Variants in VWC2 observed in about 807,000 individuals in gnomAD.
The protein encoded by VWC2 is brorin.
VWC2 carries 14 observed loss-of-function variants against 29.8 expected under a neutral mutation model. The observed-to-expected ratio is 0.47, with a 90% CI of 0.31 to 0.74. The LOEUF (loss-of-function observed/expected upper bound fraction) is 0.74. VWC2 is among the 30% of genes least tolerant of loss of function. VWC2 has a pLI of 0.05. For missense variants in VWC2, 457 were observed against 459.8 expected, an observed-to-expected ratio of 0.99 and a Z score of 0.05; for synonymous variants, 213 against 199.0, an observed-to-expected ratio of 1.07 and a Z score of -0.59.
At chr7:49,882,472 G>C (rs1239769680) in intron 3 of VWC2, among the ~76,000 whole-genome samples, 1 of 152,118 alleles carries the variant, frequency 6.6e-6, no homozygotes, top group Non-Finnish European at 1.5e-5. Flanking sequence ...AAGAGAAAGA[G>C]AGGAAGGAAG....
chr7:49,817,206 G>A (rs1789167341), intron 3 of VWC2, among the ~76,000 whole-genome samples: 1 of 152,156 alleles, frequency 6.6e-6, no homozygotes, highest in Non-Finnish European at 1.5e-5. Context: ...TTATTCATCT[G>A]TTAAAAGCTG....
chr7:49,862,319 T>A (rs80326219), intron 3 of VWC2, among the ~76,000 whole-genome samples: 4,181 of 152,288 alleles, frequency 0.027, 158 homozygotes, highest in South Asian at 0.12. Context: ...TGTGTCAATC[T>A]TGTAACCAGC....
Position 49,775,568 on chromosome 7 carries a change from C to G in VWC2, c.133C>G (p.Gln45Glu). ...KLAQAPEQPGQEKREHASRDG... is the reference protein window; with the variant it reads ...KLAQAPEQPGEEKREHASRDG... ...GGCCCAGGCACCAGAGCAGCCGGGCCAGGAGAAGCGTGAGCACGCCTCTCG... is the reference window on the plus strand; with the variant it reads ...GGCCCAGGCACCAGAGCAGCCGGGCGAGGAGAAGCGTGAGCACGCCTCTCG... Residue 45 changes from glutamine (Q) to glutamate (E), a missense_variant, in exon 2 of 4, where the codon CAG becomes GAG. Transcript: ENST00000340652. 1 of 1,544,562 alleles carries G rather than the reference C, an allele frequency of 6.5e-7. No homozygotes were observed. The highest frequency in any genetic ancestry group is 8.7e-7 in the Non-Finnish European group (1 of 1,147,724).
intron 2 of VWC2, among the ~76,000 whole-genome samples, chr7:49,778,692 C>T (rs1042987089): frequency 2.0e-5 from 3 of 152,190 alleles, no homozygotes; most frequent in African/African-American, 7.2e-5. Flanking sequence ...TGTGAGTCCA[C>T]GGGCTTTGTG....
At chr7:49,823,169 C>T (rs772899900) in intron 3 of VWC2, among the ~76,000 whole-genome samples, 1 of 152,086 alleles carries the variant, frequency 6.6e-6, no homozygotes, top group Non-Finnish European at 1.5e-5. Context: ...ATAATAGTTA[C>T]GAGTATGGGT....
chr7:49,823,558 T>A (rs1789315979), intron 3 of VWC2, among the ~76,000 whole-genome samples: 1 of 152,146 alleles, frequency 6.6e-6, no homozygotes, highest in Non-Finnish European at 1.5e-5. Context: ...AATAAGAAGG[T>A]CCATTCCTGG....
At chr7:49,823,483 G>A (rs13238989) in intron 3 of VWC2, among the ~76,000 whole-genome samples, 52,565 of 152,068 alleles carry the variant, frequency 0.35, 9,525 homozygotes, top group Non-Finnish European at 0.4. Context: ...TATGGCAAGC[G>A]GGGTGGGGTG....
At chr7:49,837,892 C>T (rs536168536) in intron 3 of VWC2, among the ~76,000 whole-genome samples, 11 of 152,074 alleles carry the variant, frequency 7.2e-5, no homozygotes, top group African/African-American at 2.4e-4. Context: ...TCCCATTAGT[C>T]CTTATGATAT....
intron 3 of VWC2, among the ~76,000 whole-genome samples, chr7:49,821,333 G>A (rs572596806): frequency 2.0e-5 from 3 of 152,312 alleles, no homozygotes; most frequent in African/African-American, 7.2e-5. Flanking sequence ...AAAGTTAATA[G>A]TTACAGTAAG....
chr7:49,790,603 A>G (rs1788444070), intron 2 of VWC2, among the ~76,000 whole-genome samples: 1 of 151,968 alleles, frequency 6.6e-6, no homozygotes, highest in African/African-American at 2.4e-5. Context: ...TTTTTGAGGG[A>G]GAAAGTAGAG....
chr7:49,779,469 C>T (rs1196356739), intron 2 of VWC2, among the ~76,000 whole-genome samples: 1 of 152,134 alleles, frequency 6.6e-6, no homozygotes, highest in Non-Finnish European at 1.5e-5. Flanking sequence ...CAAATAAAAA[C>T]ATAGTTAATA....
chr7:49,812,938 C>A (rs1789046575), intron 3 of VWC2, among the ~76,000 whole-genome samples: 1 of 152,112 alleles, frequency 6.6e-6, no homozygotes. Flanking sequence ...TTATTTAATA[C>A]CTGTTAGAGA....
intron 2 of VWC2, among the ~76,000 whole-genome samples, chr7:49,777,026 AG>A (rs1455547758): frequency 1.3e-5 from 2 of 152,248 alleles, no homozygotes; most frequent in Non-Finnish European, 2.9e-5. Flanking sequence ...GTTTGGGTGA[AG>A]GTGCTGCACA....
chr7:49,831,272 C>T (rs1446363455), intron 3 of VWC2, among the ~76,000 whole-genome samples: 3 of 152,094 alleles, frequency 2.0e-5, no homozygotes, highest in Admixed American at 6.5e-5. Flanking sequence ...TATTTTGATG[C>T]GGATTTTGTT....
chr7:49,804,460 C>T (rs547449860), intron 3 of VWC2, among the ~76,000 whole-genome samples: 5 of 152,080 alleles, frequency 3.3e-5, no homozygotes, highest in East Asian at 1.9e-4. Context: ...ACTCTCACTG[C>T]GTCAAGGGGT....
intron 3 of VWC2, among the ~76,000 whole-genome samples, chr7:49,851,492 A>G (rs2128716619): frequency 6.6e-6 from 1 of 152,314 alleles, no homozygotes; most frequent in Admixed American, 6.5e-5. Context: ...AAAGTGCTCC[A>G]GCAGATCTGA....
At chr7:49,779,283 C>T (rs796621976) in intron 2 of VWC2, among the ~76,000 whole-genome samples, 28 of 152,140 alleles carry the variant, frequency 1.8e-4, no homozygotes, top group African/African-American at 6.7e-4. Context: ...TTGTTTTTTC[C>T]CTTCTTTCTG....
intron 1 of VWC2, among the ~76,000 whole-genome samples, chr7:49,775,030 G>C (rs897121168): frequency 2.6e-5 from 4 of 152,198 alleles, no homozygotes; most frequent in Non-Finnish European, 5.9e-5. Flanking sequence ...TTGCAGGGGG[G>C]CGCGGGCCTG....
At position 49,920,323 on chromosome 7, in the gene VWC2, C is replaced by T. The variant is rs974715828; in HGVS notation, c.*8138C>T. ...ATAATTTTCCTTTAAATTTATTCCTCAGAATGATGTAAATTTTCCAGCTGG... is the reference window on the plus strand; with the variant it reads ...ATAATTTTCCTTTAAATTTATTCCTTAGAATGATGTAAATTTTCCAGCTGG... On this transcript the variant is annotated 3_prime_UTR_variant, in exon 4 of 4. Coordinates refer to ENST00000340652, the MANE Select transcript of VWC2 (RefSeq NM_198570.5). 8 of 152,150 alleles carry T rather than the reference C, an allele frequency of 5.3e-5. No homozygotes were observed. The East Asian group carries it at 1.5e-3, about 29-fold the overall frequency. 9.4% of individuals were successfully genotyped at this position (152,150 alleles called of 1,614,324 possible). A position where few individuals can be genotyped will look rare whatever the true frequency, so the allele number is the denominator to read the frequency against.
Sources: allele counts gnomAD v4.1 joint callset (sites outside exome capture counted in the v4.1 genomes callset), GRCh38; gene constraint gnomAD v4.1.1; transcripts MANE v1.5; gene names NCBI Gene and HGNC (gene_info 2026-07-23, HGNC 2026-07-21).